KCNH1: variants seen among roughly 807,000 people sequenced by gnomAD.
KCNH1 encodes voltage-gated delayed rectifier potassium channel KCNH1.
In KCNH1, 27 loss-of-function variants were observed where a neutral mutation model predicts 69.2. That is an observed-to-expected ratio of 0.39 (90% CI 0.29 to 0.54). The LOEUF (loss-of-function observed/expected upper bound fraction) is 0.54, where lower values mean the gene tolerates loss of function less well. KCNH1 is among the 20% of genes least tolerant of loss of function. KCNH1 has a pLI of 0.68. For synonymous variants in KCNH1, 456 were observed against 487.7 expected, an observed-to-expected ratio of 0.93 and a Z score of 0.86; for missense variants, 798 against 1,261.6, an observed-to-expected ratio of 0.63 and a Z score of 5.57.
At chr1:210,796,434 G>A (rs773912416) in intron 9 of KCNH1, among the ~76,000 whole-genome samples, 1 of 152,096 alleles carries the variant, frequency 6.6e-6, no homozygotes, top group African/African-American at 2.4e-5. Flanking sequence ...TTATTATGAC[G>A]ATGGCTTGCC....
At chr1:211,051,491 T>C (rs1246115784) in intron 5 of KCNH1, among the ~76,000 whole-genome samples, 2 of 152,128 alleles carry the variant, frequency 1.3e-5, no homozygotes, top group Non-Finnish European at 2.9e-5. Flanking sequence ...AGATCTACAC[T>C]GAGACTTGAA....
intron 10 of KCNH1, among the ~76,000 whole-genome samples, chr1:210,706,516 A>G (rs1443480271): frequency 7.2e-5 from 11 of 152,222 alleles, no homozygotes. Context: ...TGTTTGATGG[A>G]TACCTAATGA....
At chr1:210,965,112 A>G (rs2102360767) in intron 6 of KCNH1, among the ~76,000 whole-genome samples, 1 of 152,312 alleles carries the variant, frequency 6.6e-6, no homozygotes, top group South Asian at 2.1e-4. Flanking sequence ...AAATAACAAG[A>G]ACTATTTATG....
At chr1:211,027,919 T>C (rs1689713357) in intron 5 of KCNH1, among the ~76,000 whole-genome samples, 1 of 152,096 alleles carries the variant, frequency 6.6e-6, no homozygotes, top group Non-Finnish European at 1.5e-5. Flanking sequence ...AGCAAAGATA[T>C]AGAAGAACTC....
At chr1:210,917,414 T>A (rs1015782061) in intron 7 of KCNH1, among the ~76,000 whole-genome samples, 2 of 151,688 alleles carry the variant, frequency 1.3e-5, no homozygotes, top group African/African-American at 4.8e-5. Flanking sequence ...GGTAAATAAT[T>A]GAGGTTTTCC....
intron 6 of KCNH1, among the ~76,000 whole-genome samples, chr1:210,962,962 A>G (rs1050351288): frequency 6.6e-6 from 1 of 150,962 alleles, no homozygotes; most frequent in Non-Finnish European, 1.5e-5. Context: ...CTTCCTCTTC[A>G]GTGTGATGGC....
chr1:210,822,699 G>A (rs879889261), intron 7 of KCNH1, among the ~76,000 whole-genome samples: 1 of 152,016 alleles, frequency 6.6e-6, no homozygotes, highest in Non-Finnish European at 1.5e-5. Context: ...ATGTTCATAT[G>A]TTGTTCCCTC....
At chr1:210,724,012 A>G (rs1207016860) in intron 10 of KCNH1, among the ~76,000 whole-genome samples, 1 of 152,202 alleles carries the variant, frequency 6.6e-6, no homozygotes, top group African/African-American at 2.4e-5. Flanking sequence ...ATTCAAGGTT[A>G]CCAGCTTACA....
chr1:211,007,142 T>C (rs1689300534), intron 6 of KCNH1, among the ~76,000 whole-genome samples: 1 of 152,208 alleles, frequency 6.6e-6, no homozygotes, highest in African/African-American at 2.4e-5. Context: ...ACTAAGTCTG[T>C]CTTCACTTGG....
intron 5 of KCNH1, among the ~76,000 whole-genome samples, chr1:211,031,849 G>A (rs2358114): frequency 0.71 from 108,227 of 151,892 alleles, 39,478 homozygotes; most frequent in African/African-American, 0.87. Context: ...GAAAACTGGC[G>A]CAAGACAGGG....
chr1:210,818,049 A>C (rs6673436), intron 7 of KCNH1, among the ~76,000 whole-genome samples: 151,256 of 152,228 alleles, frequency 0.99, 75,152 homozygotes, highest in East Asian at 1. Flanking sequence ...AGAACTACTG[A>C]TCTATGCTCT....
At chr1:211,021,909 C>G (rs1393238442) in intron 5 of KCNH1, among the ~76,000 whole-genome samples, 1 of 152,098 alleles carries the variant, frequency 6.6e-6, no homozygotes, top group Non-Finnish European at 1.5e-5. Flanking sequence ...CCAAAGCAAT[C>G]TACAGATTCA....
chr1:210,782,833 A>G (rs1216325476), intron 9 of KCNH1, among the ~76,000 whole-genome samples: 2 of 152,256 alleles, frequency 1.3e-5, no homozygotes, highest in African/African-American at 2.4e-5. Flanking sequence ...TCTTTGAATC[A>G]GAAAGTGAAC....
At chr1:210,918,181 T>C (rs957881790) in intron 7 of KCNH1, among the ~76,000 whole-genome samples, 34 of 152,094 alleles carry the variant, frequency 2.2e-4, no homozygotes, top group African/African-American at 8.0e-4. Flanking sequence ...GGTAACAAAA[T>C]CCACTCACAA....
chr1:211,036,172 G>T (rs901314440), intron 5 of KCNH1, among the ~76,000 whole-genome samples: 1 of 152,186 alleles, frequency 6.6e-6, no homozygotes, highest in African/African-American at 2.4e-5. Context: ...CTACATGTGG[G>T]TAAACAGGAA....
intron 6 of KCNH1, among the ~76,000 whole-genome samples, chr1:210,945,484 A>C (rs1687942480): frequency 6.6e-6 from 1 of 152,194 alleles, no homozygotes; most frequent in African/African-American, 2.4e-5. Flanking sequence ...AACCCAAGCC[A>C]CCTGGTTCAG....
intron 6 of KCNH1, among the ~76,000 whole-genome samples, chr1:210,992,379 C>T (rs1688953266): frequency 6.6e-6 from 1 of 152,150 alleles, no homozygotes; most frequent in Admixed American, 6.5e-5. Flanking sequence ...GCAGACCTAG[C>T]TCAAAATCCT....
chr1:210,942,748 C>T (rs1167548268), intron 6 of KCNH1, among the ~76,000 whole-genome samples: 6 of 150,718 alleles, frequency 4.0e-5, no homozygotes, highest in East Asian at 3.9e-4. Context: ...GAGCAAAGGT[C>T]GGTTTCACCT....
At chr1:210,716,751 C>T (rs1001205184) in intron 10 of KCNH1, among the ~76,000 whole-genome samples, 8 of 152,174 alleles carry the variant, frequency 5.3e-5, no homozygotes, top group Admixed American at 1.3e-4. Context: ...CCAGGCTTCT[C>T]GAGGAGGCTT....
Sources: allele counts gnomAD v4.1 joint callset (sites outside exome capture counted in the v4.1 genomes callset), GRCh38; gene constraint gnomAD v4.1.1; transcripts MANE v1.5; gene names NCBI Gene and HGNC (gene_info 2026-07-23, HGNC 2026-07-21).